The following NTNG1 variants were observed in gnomAD, a reference collection of about 807,000 sequenced individuals.
The protein encoded by NTNG1 is netrin G1.
In NTNG1, 16 loss-of-function variants were observed where a neutral mutation model predicts 54.0. The ratio of observed to expected loss-of-function variants is 0.30; its 90% CI spans 0.20 to 0.45. The LOEUF is 0.45. Among genes scored for constraint, NTNG1 ranks in the 20% least tolerant of loss-of-function variants. The pLI, the probability that NTNG1 is intolerant of heterozygous loss-of-function variation, is 1.00. For missense variants in NTNG1, 530 were observed against 678.7 expected (o/e 0.78, Z 2.43); for synonymous variants, 255 against 263.1 (o/e 0.97, Z 0.30).
At chr1:107,355,775 T>C (rs1570751784) in intron 3 of NTNG1, among the ~76,000 whole-genome samples, 1 of 152,178 alleles carries the variant, frequency 6.6e-6, no homozygotes, top group Admixed American at 6.5e-5. Flanking sequence ...TTTGATGCAA[T>C]GGCATCAGGT....
chr1:107,427,994 G>T (rs1422082040), intron 5 of NTNG1, among the ~76,000 whole-genome samples: 1 of 151,938 alleles, frequency 6.6e-6, no homozygotes. Context: ...GTTGAACTTG[G>T]GTATCTTACA....
intron 3 of NTNG1, among the ~76,000 whole-genome samples, chr1:107,392,753 G>A (rs1570850865): frequency 6.6e-6 from 1 of 152,090 alleles, no homozygotes; most frequent in East Asian, 1.9e-4. Flanking sequence ...ATGACCAAAT[G>A]CACAGCAGGT....
chr1:107,201,641 A>G (rs1343326622), intron 2 of NTNG1, among the ~76,000 whole-genome samples: 1 of 151,840 alleles, frequency 6.6e-6, no homozygotes, highest in East Asian at 1.9e-4. Context: ...TCAGGTGCAT[A>G]TTTCACATGT....
At chr1:107,208,718 C>A (rs1659382873) in intron 2 of NTNG1, among the ~76,000 whole-genome samples, 1 of 152,076 alleles carries the variant, frequency 6.6e-6, no homozygotes, top group African/African-American at 2.4e-5. Flanking sequence ...GGCATGTATC[C>A]CCTACTCTCC....
intron 7 of NTNG1, among the ~76,000 whole-genome samples, chr1:107,440,201 G>C (rs1419630561): frequency 6.6e-6 from 1 of 152,112 alleles, no homozygotes; most frequent in East Asian, 1.9e-4. Context: ...CCAGGCCCAA[G>C]GTTCCAGTCC....
chr1:107,210,812 A>G (rs990414819), intron 2 of NTNG1, among the ~76,000 whole-genome samples: 1 of 152,114 alleles, frequency 6.6e-6, no homozygotes, highest in African/African-American at 2.4e-5. Context: ...TCTTATTTAC[A>G]GATGCTTTCC....
At chr1:107,254,878 C>A (rs1557846967) in intron 2 of NTNG1, among the ~76,000 whole-genome samples, 1 of 152,124 alleles carries the variant, frequency 6.6e-6, no homozygotes, top group African/African-American at 2.4e-5. Flanking sequence ...CTTTAGTATT[C>A]AAAGAGGCTT....
intron 5 of NTNG1, among the ~76,000 whole-genome samples, chr1:107,430,392 A>G: frequency 6.6e-6 from 1 of 152,120 alleles, no homozygotes; most frequent in African/African-American, 2.4e-5. Context: ...AATGGTGCAA[A>G]GACACTAAAA....
At chr1:107,374,028 T>C (rs554627682) in intron 3 of NTNG1, among the ~76,000 whole-genome samples, 15 of 152,306 alleles carry the variant, frequency 9.8e-5, no homozygotes, top group Admixed American at 5.2e-4. Context: ...AAAGATATTT[T>C]ACTGGGTAGA....
intron 2 of NTNG1, among the ~76,000 whole-genome samples, chr1:107,213,756 TG>T (rs1258499269): frequency 6.6e-6 from 1 of 152,182 alleles, no homozygotes; most frequent in Non-Finnish European, 1.5e-5. Flanking sequence ...CAAATAAATC[TG>T]CCTTTGAAAG....
intron 2 of NTNG1, among the ~76,000 whole-genome samples, chr1:107,278,383 G>A (rs554511260): frequency 5.3e-5 from 8 of 152,160 alleles, no homozygotes; most frequent in African/African-American, 1.7e-4. Flanking sequence ...CTTGTCTCAC[G>A]TATTAAATAG....
intron 2 of NTNG1, among the ~76,000 whole-genome samples, chr1:107,268,636 A>T (rs1448682403): frequency 6.6e-6 from 1 of 152,114 alleles, no homozygotes; most frequent in Non-Finnish European, 1.5e-5. Context: ...GCCCCAGATA[A>T]CTTAATCTCA....
At chr1:107,153,018 A>G (rs893918257) in intron 2 of NTNG1, among the ~76,000 whole-genome samples, 5 of 152,222 alleles carry the variant, frequency 3.3e-5, no homozygotes, top group African/African-American at 1.2e-4. Flanking sequence ...ACCTTAACAG[A>G]TCTATTAATG....
chr1:107,261,514 C>T (rs1349727852), intron 2 of NTNG1, among the ~76,000 whole-genome samples: 1 of 152,040 alleles, frequency 6.6e-6, no homozygotes, highest in Non-Finnish European at 1.5e-5. Flanking sequence ...ACTTTCAAGC[C>T]TGTTGTTGAT....
At chr1:107,355,373 A>G (rs1669878848) in intron 3 of NTNG1, among the ~76,000 whole-genome samples, 1 of 151,404 alleles carries the variant, frequency 6.6e-6, no homozygotes. Flanking sequence ...TTTAATTCTT[A>G]GCTTATAATT....
chr1:107,343,689 G>A (rs560115351), intron 3 of NTNG1, among the ~76,000 whole-genome samples: 1 of 152,186 alleles, frequency 6.6e-6, no homozygotes, highest in South Asian at 2.1e-4. Context: ...ACCAAAAAGA[G>A]CCAGGGCTTT....
chr1:107,452,528 T>C (rs1234726216), intron 7 of NTNG1, among the ~76,000 whole-genome samples: 1 of 152,038 alleles, frequency 6.6e-6, no homozygotes, highest in African/African-American at 2.4e-5. Flanking sequence ...CAGGGAGGTG[T>C]TTGGGTCATG....
chr1:107,439,975 G>T (rs1675865803), intron 7 of NTNG1, among the ~76,000 whole-genome samples: 1 of 151,628 alleles, frequency 6.6e-6, no homozygotes, highest in South Asian at 2.1e-4. Context: ...TGCTCACCCT[G>T]ACTTCCACTT....
intron 2 of NTNG1, among the ~76,000 whole-genome samples, chr1:107,270,321 T>C (rs1664058573): frequency 6.6e-6 from 1 of 152,248 alleles, no homozygotes; most frequent in Admixed American, 6.5e-5. Flanking sequence ...ACTGCCATGG[T>C]TGGCTTATTT....
Sources: allele counts gnomAD v4.1 joint callset (sites outside exome capture counted in the v4.1 genomes callset), GRCh38; gene constraint gnomAD v4.1.1; transcripts MANE v1.5; gene names NCBI Gene and HGNC (gene_info 2026-07-23, HGNC 2026-07-21).